The following BRIP1 variants were observed in gnomAD, a reference collection of about 807,000 sequenced individuals.
BRIP1 encodes the protein Fanconi anemia group J protein.
In BRIP1, 88 loss-of-function variants were observed where a neutral mutation model predicts 119.7. That is an observed-to-expected ratio of 0.74 (90% CI 0.62 to 0.88). The LOEUF is 0.88. Ranked by LOEUF, BRIP1 falls within the 40% of genes least tolerant of loss-of-function variation. The pLI is 0.00. For missense variants in BRIP1, 1,259 were observed against 1,455.4 expected (o/e 0.87, Z 2.20); for synonymous variants, 443 against 496.5 (o/e 0.89, Z 1.43).
intron 10 of BRIP1, among the ~76,000 whole-genome samples, chr17:61,787,008 A>AT (rs2077728177): frequency 8.5e-6 from 1 of 117,382 alleles, no homozygotes. Flanking sequence ...ATAATTTTAT[A>AT]AAATTATAAT....
Position 61,800,742 on chromosome 17 carries a change from T to C in BRIP1, c.1140+511A>G, listed in dbSNP as rs1359610750. 2.0e-5 allele frequency among the ~76,000 whole-genome samples: 3 copies of C among 152,142 alleles called. No individual in the cohort carries two copies. In the East Asian group the frequency reaches 5.8e-4, roughly 29 times the overall value. On this transcript the variant is annotated intron_variant, in intron 8 of 19. Transcript: ENST00000259008. Reference sequence around the variant, plus strand: ...CCTATTAATTTGGATCTTAAAGAAATAGAAAGCTGAGATGAATTGTGCAGT... The same window carrying C: ...CCTATTAATTTGGATCTTAAAGAAACAGAAAGCTGAGATGAATTGTGCAGT...
chr17:61,764,912 G>A (rs983878703), intron 14 of BRIP1, among the ~76,000 whole-genome samples: 4 of 152,046 alleles, frequency 2.6e-5, no homozygotes, highest in Non-Finnish European at 5.9e-5. Flanking sequence ...ATGTTAAAAT[G>A]TAATTGTCAT....
Position 61,683,225 on chromosome 17 carries a change from A to G in BRIP1, c.*71T>C, listed in dbSNP as rs2061294007. 2 of 1,470,998 alleles carry G rather than the reference A, an allele frequency of 1.4e-6. No individual in the cohort carries two copies. Among genetic ancestry groups the G allele is most frequent in the African/African-American group, 2.8e-5 (2 of 70,480 alleles). 91.1% of individuals were successfully genotyped at this position (1,470,998 alleles called of 1,614,324 possible). ...AGTATGCCACTTATTCAATTTACAA[A>G]TTATTACTTACAACAGAGTTTAACA... On this transcript the variant is annotated 3_prime_UTR_variant, in exon 20 of 20. Coordinates refer to ENST00000259008, the MANE Select transcript of BRIP1 (RefSeq NM_032043.3). The surrounding 1 kb of genome is among the most constrained non-coding windows in gnomAD (Gnocchi z 4.7).
In BRIP1 at chr17:61,769,374, C is replaced by A. The variant is rs1478383072; in HGVS notation, c.2097+7027G>T. ...TTCAATCCTGGTTCCTCATGTCCCC[C>A]TGAAATGAATTCTAATGTAGGCTTT... On this transcript the variant is annotated intron_variant, in intron 14 of 19. Coordinates refer to ENST00000259008, the MANE Select transcript of BRIP1 (RefSeq NM_032043.3). This position sits in a 1 kb window ranked among gnomAD's most constrained non-coding sequence, Gnocchi z 4.9. Among the ~76,000 whole-genome samples, 1 of 152,138 alleles carries A rather than the reference C, an allele frequency of 6.6e-6. No homozygotes were observed. Among genetic ancestry groups the A allele is most frequent in the Non-Finnish European group, 1.5e-5 (1 of 68,026 alleles).
In BRIP1 at chr17:61,743,159, C is replaced by G. The variant is rs1170537268; in HGVS notation, c.2258-25G>C. On this transcript the variant is annotated intron_variant, in intron 15 of 19. Transcript: ENST00000259008. This position sits in a 1 kb window ranked among gnomAD's most constrained non-coding sequence, Gnocchi z 4.3. ...TCTTAAACAACAGAAAAAAGCATAT[C>G]CAAAATTCTCAGAAATTGCTTATTC... is the stretch of plus-strand genomic sequence containing the variant. The G allele has an allele frequency of 2.9e-5, 47 of 1,612,850 alleles. No individual in the cohort carries two copies. The highest frequency in any genetic ancestry group is 3.7e-5 in the Non-Finnish European group (44 of 1,179,230).
rs2076941978 is a variant in BRIP1 at position 61,738,083 on chromosome 17, T to A, written c.2379+4930A>T. 6.6e-6 allele frequency among the ~76,000 whole-genome samples: 1 copy of A among 152,038 alleles called. No individual in the cohort carries two copies. The highest frequency in any genetic ancestry group is 2.1e-4 in the South Asian group (1 of 4,814). On this transcript the variant is annotated intron_variant, in intron 16 of 19. Transcript: ENST00000259008. This position sits in a 1 kb window ranked among gnomAD's most constrained non-coding sequence, Gnocchi z 4.2. ...TGGTCCACAAAGAATGAAATACAGG[T>A]GGAACAGAGCTGACTCAGTTGACTT...
Position 61,851,943 on chromosome 17 carries a change from G to A in BRIP1, c.380-2687C>T, listed in dbSNP as rs1303158622. Among the ~76,000 whole-genome samples, 1 of 152,170 alleles carries A rather than the reference G, an allele frequency of 6.6e-6. No individual in the cohort carries two copies. Among genetic ancestry groups the A allele is most frequent in the Non-Finnish European group, 1.5e-5 (1 of 68,042 alleles). The stretch of plus-strand genomic sequence containing the variant: ...CGTTGTCACAAAAAGAGCAGAGGTG[G>A]AAATACTACTAGCATCCAGTGCATA... On this transcript the variant is annotated intron_variant, in intron 4 of 19. Coordinates refer to ENST00000259008, the MANE Select transcript of BRIP1 (RefSeq NM_032043.3). This position sits in a 1 kb window ranked among gnomAD's most constrained non-coding sequence, Gnocchi z 4.6.
At chr17:61,855,310 G>C (rs915726094) in intron 4 of BRIP1, among the ~76,000 whole-genome samples, 3 of 152,150 alleles carry the variant, frequency 2.0e-5, no homozygotes, top group Non-Finnish European at 4.4e-5. Flanking sequence ...GGGCGTGGTC[G>C]CTCACGCCTA....
chr17:61,761,878 T>C lies in BRIP1; in HGVS notation c.2097+14523A>G, dbSNP rs995079903. Among the ~76,000 whole-genome samples, 5 of 152,104 alleles carry C rather than the reference T, an allele frequency of 3.3e-5. No homozygotes were observed. The highest frequency in any genetic ancestry group is 7.2e-5 in the African/African-American group (3 of 41,434). ...AATGTAATCTCTATCAAAATTCCAA[T>C]GTCATTTTTCATAGAAATAGAAAAA... On this transcript the variant is annotated intron_variant, in intron 14 of 19. Coordinates refer to ENST00000259008, the MANE Select transcript of BRIP1 (RefSeq NM_032043.3). The surrounding 1 kb of genome is among the most constrained non-coding windows in gnomAD (Gnocchi z 6.4).
At chr17:61,779,365 C>T (rs2077579609) in intron 13 of BRIP1, among the ~76,000 whole-genome samples, 1 of 152,092 alleles carries the variant, frequency 6.6e-6, no homozygotes, top group Admixed American at 6.5e-5. Flanking sequence ...CTGCCTGAGC[C>T]TGGGAGTTTG....
intron 4 of BRIP1, among the ~76,000 whole-genome samples, chr17:61,850,950 G>A (rs1296040312): frequency 6.6e-6 from 1 of 151,990 alleles, no homozygotes; most frequent in African/African-American, 2.4e-5. Context: ...TGTTGCAGCT[G>A]GGCACGGTGG....
chr17:61,808,903 G>A lies in BRIP1; in HGVS notation c.628-146C>T. On this transcript the variant is annotated intron_variant, in intron 6 of 19. Coordinates refer to ENST00000259008, the MANE Select transcript of BRIP1 (RefSeq NM_032043.3). This position sits in a 1 kb window ranked among gnomAD's most constrained non-coding sequence, Gnocchi z 4.1. ...CAAGAAATTATAGTATCTAAAACTT[G>A]CCATTAAAGAAAAAACTACAATTTA... is the stretch of plus-strand genomic sequence containing the variant. 2.4e-6 allele frequency: 2 copies of A among 823,822 alleles called. No individual in the cohort carries two copies. Among genetic ancestry groups the A allele is most frequent in the Non-Finnish European group, 3.7e-6 (2 of 539,584 alleles). 51.0% of individuals were successfully genotyped at this position (823,822 alleles called of 1,614,324 possible).
At chr17:61,786,240 T>C (rs999748756) in intron 10 of BRIP1, among the ~76,000 whole-genome samples, 2 of 151,790 alleles carry the variant, frequency 1.3e-5, no homozygotes, top group African/African-American at 4.8e-5. Context: ...TGTGTGTGAG[T>C]GTGTGCGTGT....
chr17:61,842,981 T>C lies in BRIP1; in HGVS notation c.627+4120A>G, dbSNP rs1451632835. ...TGAAAATAACCTAAGTGTCTGTCAA[T>C]GGATGAATAAAGAAAATGTGGTGTG... On this transcript the variant is annotated intron_variant, in intron 6 of 19. Transcript: ENST00000259008. The surrounding 1 kb of genome is among the most constrained non-coding windows in gnomAD (Gnocchi z 5.1). 6.6e-6 allele frequency among the ~76,000 whole-genome samples: 1 copy of C among 152,134 alleles called. No homozygotes were observed. The highest frequency in any genetic ancestry group is 1.5e-5 in the Non-Finnish European group (1 of 68,022).
At position 61,769,462 on chromosome 17, in the gene BRIP1, T is replaced by A. The variant is rs772982311; in HGVS notation, c.2097+6939A>T. On this transcript the variant is annotated intron_variant, in intron 14 of 19. Coordinates refer to ENST00000259008, the MANE Select transcript of BRIP1 (RefSeq NM_032043.3). This position sits in a 1 kb window ranked among gnomAD's most constrained non-coding sequence, Gnocchi z 4.9. ...TGAAAACTAGATGGCATAATATTAA[T>A]ACATTTAATAACTGTAGTCACTGTA... 2.0e-5 allele frequency among the ~76,000 whole-genome samples: 3 copies of A among 152,180 alleles called. No homozygotes were observed. The highest frequency in any genetic ancestry group is 4.4e-5 in the Non-Finnish European group (3 of 68,036).
chr17:61,774,097 A>C lies in BRIP1; in HGVS notation c.2097+2304T>G, dbSNP rs1380977067. Among the ~76,000 whole-genome samples, 1 of 152,208 alleles carries C rather than the reference A, an allele frequency of 6.6e-6. No individual in the cohort carries two copies. The highest frequency in any genetic ancestry group is 1.5e-5 in the Non-Finnish European group (1 of 68,046). ...CATCACATTACTGGGTATATACCCA[A>C]AGGATTATAAATCATGCTACTATAA... On this transcript the variant is annotated intron_variant, in intron 14 of 19. Transcript: ENST00000259008. The surrounding 1 kb of genome is among the most constrained non-coding windows in gnomAD (Gnocchi z 5.8).
rs1347536328 is a variant in BRIP1, at chr17:61,699,476, T to C, written c.2493-5964A>G. ...TTTTATTAGTGGTTGAAGAGTATAATAAACATATCAACCAGTAATAAACTA... is the reference window on the plus strand; with the variant it reads ...TTTTATTAGTGGTTGAAGAGTATAACAAACATATCAACCAGTAATAAACTA... On this transcript the variant is annotated intron_variant, in intron 17 of 19. Coordinates refer to ENST00000259008, the MANE Select transcript of BRIP1 (RefSeq NM_032043.3). The surrounding 1 kb of genome is among the most constrained non-coding windows in gnomAD (Gnocchi z 4.8). 6.6e-6 allele frequency among the ~76,000 whole-genome samples: 1 copy of C among 152,220 alleles called. No homozygotes were observed. Among genetic ancestry groups the C allele is most frequent in the Non-Finnish European group, 1.5e-5 (1 of 68,032 alleles).
intron 11 of BRIP1, among the ~76,000 whole-genome samples, chr17:61,782,289 G>C (rs1270985660): frequency 1.3e-5 from 2 of 150,624 alleles, no homozygotes; most frequent in African/African-American, 4.9e-5. Context: ...GGGAGGCTGA[G>C]GCAGGAGAAT....
Position 61,681,407 on chromosome 17 carries a change from C to A in BRIP1, c.*1889G>T, listed in dbSNP as rs2061267913. ...ATTTGTATGATTTTATAGTACTAAC[C>A]GCTGCATTTTACAGATGAAACTAAT... On this transcript the variant is annotated 3_prime_UTR_variant, in exon 20 of 20. Transcript: ENST00000259008. This position sits in a 1 kb window ranked among gnomAD's most constrained non-coding sequence, Gnocchi z 5.1. 4.7e-6 allele frequency: 1 copy of A among 211,768 alleles called. No homozygotes were observed. Among genetic ancestry groups the A allele is most frequent in the African/African-American group, 2.3e-5 (1 of 44,252 alleles). 13.1% of individuals were successfully genotyped at this position (211,768 alleles called of 1,614,324 possible).
Sources: gnomAD v4.1 joint callset for allele counts (sites outside exome capture counted in the v4.1 genomes callset) on GRCh38, gnomAD v4.1.1 for gene constraint, Gnocchi (gnomAD v3.1) non-coding constraint, MANE v1.5 for transcripts, NCBI Gene and HGNC (gene_info 2026-07-23, HGNC 2026-07-21) for gene names.